The following RUSF1 variants were observed in gnomAD, a reference collection of about 807,000 sequenced individuals.
RUSF1 encodes the protein RUS1 family protein C16orf58.
A neutral mutation model predicts 63.0 loss-of-function variants in RUSF1; 58 were observed. That is an observed-to-expected ratio of 0.92 (90% CI 0.75 to 1.15). The LOEUF is 1.15. Ranked by LOEUF, RUSF1 falls within the 50% of genes most tolerant of loss-of-function variation. The pLI, the probability that RUSF1 is intolerant of heterozygous loss-of-function variation, is 0.00. For missense variants in RUSF1, 652 were observed against 611.0 expected (o/e 1.07, Z -0.71); for synonymous variants, 274 against 255.8 (o/e 1.07, Z -0.68).
intron 9 of RUSF1, 144 bp from the exon 10 acceptor site, chr16:31,493,192 C>T (rs1460516177): frequency 7.6e-6 from 7 of 918,818 alleles, no homozygotes; most frequent in Middle Eastern, 2.1e-4. Flanking sequence ...CAGCCATTAC[C>T]CATACACACC....
At chr16:31,506,431 T>C (rs1160722276) in intron 2 of RUSF1, among the ~76,000 whole-genome samples, 13 of 152,244 alleles carry the variant, frequency 8.5e-5, no homozygotes, top group Admixed American at 8.5e-4. Context: ...GGCAACATGT[T>C]GGTGACATCA....
intron 4 of RUSF1, 22 bp downstream of exon 4, chr16:31,499,471 C>A: frequency 3.1e-6 from 5 of 1,601,558 alleles, no homozygotes; most frequent in Non-Finnish European, 4.3e-6. Flanking sequence ...GACTCCCCTC[C>A]CCCGTCCCCG....
chr16:31,506,021 T>C (rs189552050), intron 2 of RUSF1, among the ~76,000 whole-genome samples: 21 of 152,322 alleles, frequency 1.4e-4, no homozygotes, highest in African/African-American at 4.3e-4. Context: ...ACTGTATTAG[T>C]GGTATATCAT....
intron 2 of RUSF1, 116 bp downstream of exon 2, chr16:31,507,648 G>A (rs2082666936): frequency 2.1e-6 from 2 of 943,044 alleles, no homozygotes; most frequent in East Asian, 5.3e-5. Context: ...AATCACTGGG[G>A]AGACCTGCCT....
At chr16:31,491,618 CT>C (rs955069758) in intron 12 of RUSF1, among the ~76,000 whole-genome samples, 292 of 122,992 alleles carry the variant, frequency 2.4e-3, no homozygotes, top group South Asian at 3.8e-3. Context: ...GCCCGACAGT[CT>C]TTTTTTTTTT....
chr16:31,497,753 C>T (rs550530225), intron 5 of RUSF1, among the ~76,000 whole-genome samples: 27 of 152,148 alleles, frequency 1.8e-4, no homozygotes, highest in Non-Finnish European at 3.7e-4. Context: ...CAAGTTAATA[C>T]GCAGGCAGAG....
rs1047565711 is a variant in RUSF1 at position 31,493,537 on chromosome 16, G to C, written c.959-13C>G. ...GCTGGCCAGAAACCTGTGGGAAGCT[G>C]GGGTCAGGATGCCTAGGCAGTGGGA... On this transcript the variant is annotated splice_polypyrimidine_tract_variant and intron_variant, in intron 8 of 12. Transcript: ENST00000327237. The C allele has an allele frequency of 6.2e-7, 1 of 1,614,102 alleles. No homozygotes were observed. Among genetic ancestry groups the C allele is most frequent in the Non-Finnish European group, 8.5e-7 (1 of 1,180,002 alleles).
chr16:31,498,088 G>C (rs371927795), intron 5 of RUSF1, among the ~76,000 whole-genome samples: 17 of 152,300 alleles, frequency 1.1e-4, no homozygotes, highest in East Asian at 3.9e-4. Context: ...TGACAGATAA[G>C]GGGAAGGGGG....
rs901403490 is a variant in RUSF1, at chr16:31,499,235, C to T, written c.600+67G>A. On this transcript the variant is annotated intron_variant, in intron 5 of 12. Coordinates refer to ENST00000327237, the MANE Select transcript of RUSF1 (RefSeq NM_022744.4). Reference sequence around the variant, plus strand: ...TGAAGTGGCAGGTAAACTCACAGAGCCCAGGTAAACTCACACACTACCAAG... The same window carrying T: ...TGAAGTGGCAGGTAAACTCACAGAGTCCAGGTAAACTCACACACTACCAAG... The T allele has an allele frequency of 2.3e-5, 32 of 1,388,376 alleles. No individual in the cohort carries two copies. In the African/African-American group the frequency reaches 3.6e-4, roughly 15 times the overall value. The allele number at this position is 1,388,376 out of a possible 1,614,324, so 86.0% of individuals were successfully genotyped here.
chr16:31,490,005 T>C lies in RUSF1; in HGVS notation c.*830A>G. ...GCTGGGTGTGTAGACTGGACAGAGG[T>C]GGGTAGGGCAGGCAGTGACGAGCTG... On this transcript the variant is annotated 3_prime_UTR_variant, in exon 13 of 13. Coordinates refer to ENST00000327237, the MANE Select transcript of RUSF1 (RefSeq NM_022744.4). 6.7e-7 allele frequency: 1 copy of C among 1,502,456 alleles called. No homozygotes were observed. The highest frequency in any genetic ancestry group is 9.1e-7 in the Non-Finnish European group (1 of 1,094,798). The allele number at this position is 1,502,456 out of a possible 1,614,324, so 93.1% of individuals were successfully genotyped here.
At position 31,499,356 on chromosome 16, in the gene RUSF1, A is replaced by G; in HGVS notation, c.546T>C (p.Ala182=). The part of the protein sequence containing the change: ...NDVAMFLEIM[A]PVYPICFTMT... ...TGGTGAAACAGATTGGGTATACAGG[A>G]GCCATAATCTCAAGGAACATGGCTA... Residue 182 remains alanine (A), a synonymous_variant, in exon 5 of 13, where the codon GCT becomes GCC. Transcript: ENST00000327237. 6.2e-7 allele frequency: 1 copy of G among 1,613,956 alleles called. No individual in the cohort carries two copies. The highest frequency in any genetic ancestry group is 8.5e-7 in the Non-Finnish European group (1 of 1,179,900).
chr16:31,506,929 C>A (rs957498450), intron 2 of RUSF1, among the ~76,000 whole-genome samples: 1 of 152,198 alleles, frequency 6.6e-6, no homozygotes, highest in African/African-American at 2.4e-5. Flanking sequence ...AAACAGGAAG[C>A]TCCTGTTTTC....
At chr16:31,507,704 G>A (rs2082667231) in intron 2 of RUSF1, 60 bp downstream of exon 2, 5 of 1,448,392 alleles carry the variant, frequency 3.5e-6, no homozygotes, top group Non-Finnish European at 4.7e-6. Flanking sequence ...ATACACATAA[G>A]AGCCCAGCGA....
intron 6 of RUSF1, among the ~76,000 whole-genome samples, chr16:31,494,974 T>C (rs2082594598): frequency 6.6e-6 from 1 of 152,168 alleles, no homozygotes; most frequent in Admixed American, 6.6e-5. Flanking sequence ...ATAACTTTTA[T>C]TTACTGATTT....
chr16:31,501,955 C>G (rs892889019), intron 2 of RUSF1, among the ~76,000 whole-genome samples: 1 of 152,190 alleles, frequency 6.6e-6, no homozygotes, highest in African/African-American at 2.4e-5. Context: ...AAGACAATGA[C>G]AGAACTGAGT....
At chr16:31,504,612 A>C (rs894732111) in intron 2 of RUSF1, among the ~76,000 whole-genome samples, 4 of 152,206 alleles carry the variant, frequency 2.6e-5, no homozygotes, top group African/African-American at 9.6e-5. Flanking sequence ...TAAAATCTGA[A>C]ATGCTCCAAA....
chr16:31,490,565 A>T lies in RUSF1; in HGVS notation c.*270T>A. On this transcript the variant is annotated 3_prime_UTR_variant, in exon 13 of 13. Transcript: ENST00000327237. ...AACTGCGTTGGACACCATAAGCCAC[A>T]GCCTCACAGGAAGTGGGGGTGAGGA... 1 of 1,546,388 alleles carries T rather than the reference A, an allele frequency of 6.5e-7. No homozygotes were observed. The highest frequency in any genetic ancestry group is 8.9e-7 in the Non-Finnish European group (1 of 1,127,226).
At chr16:31,494,308 C>G (rs977237407) in intron 6 of RUSF1, among the ~76,000 whole-genome samples, 1 of 152,056 alleles carries the variant, frequency 6.6e-6, no homozygotes, top group Non-Finnish European at 1.5e-5. Flanking sequence ...ATTCCCTGAG[C>G]TCAGGAGTTC....
chr16:31,500,060 G>T (rs2082624848), intron 3 of RUSF1, among the ~76,000 whole-genome samples: 1 of 152,154 alleles, frequency 6.6e-6, no homozygotes, highest in Non-Finnish European at 1.5e-5. Flanking sequence ...CAACACCGTG[G>T]ACGGCTACCT....
Sources: allele counts gnomAD v4.1 joint callset (sites outside exome capture counted in the v4.1 genomes callset), GRCh38; gene constraint gnomAD v4.1.1; transcripts MANE v1.5; gene names NCBI Gene and HGNC (gene_info 2026-07-23, HGNC 2026-07-21).